LRRK1: variants seen among roughly 807,000 people sequenced by gnomAD.
LRRK1 encodes the protein leucine rich repeat kinase 1.
Under a neutral mutation model 209.1 loss-of-function variants are expected in LRRK1, and 113 were observed. That is an observed-to-expected ratio of 0.54 (90% CI 0.46 to 0.63). LRRK1 has a LOEUF of 0.63. Ranked by LOEUF, LRRK1 falls within the 30% of genes least tolerant of loss-of-function variation. The pLI is 0.00. For missense variants in LRRK1, 2,284 were observed against 2,632.2 expected, an observed-to-expected ratio of 0.87 and a Z score of 2.89; for synonymous variants, 1,144 against 1,099.7, an observed-to-expected ratio of 1.04 and a Z score of -0.80.
intron 22 of LRRK1, among the ~76,000 whole-genome samples, chr15:101,048,978 G>A (rs1339536612): frequency 2.0e-5 from 3 of 152,170 alleles, no homozygotes; most frequent in Non-Finnish European, 1.5e-5. Context: ...AGGTCACCAT[G>A]GTGACCTTGC....
Position 100,973,981 on chromosome 15 carries a change from T to C in LRRK1, c.261+14T>C. ...CAGCTGGAAAAGGTAGGGGAGCGCC[T>C]GCCCCTGCGGCCACCCATGCAGCCC... On this transcript the variant is annotated intron_variant, in intron 3 of 33. Transcript: ENST00000388948. 1 of 1,245,716 alleles carries C rather than the reference T, an allele frequency of 8.0e-7. No individual in the cohort carries two copies. Among genetic ancestry groups the C allele is most frequent in the Non-Finnish European group, 1.0e-6 (1 of 989,392 alleles). The allele number at this position is 1,245,716 out of a possible 1,614,324, so 77.2% of individuals were successfully genotyped here. A position where few individuals can be genotyped will look rare whatever the true frequency, so the allele number is the denominator to read the frequency against.
chr15:101,053,449 C>G, intron 26 of LRRK1, 29 bp downstream of exon 26: 1 of 1,539,162 alleles, frequency 6.5e-7, no homozygotes, highest in Non-Finnish European at 8.7e-7. Flanking sequence ...CCACCCGGCC[C>G]CGGAGACCGA....
chr15:100,995,143 G>A (rs972344420), intron 6 of LRRK1, among the ~76,000 whole-genome samples: 1 of 152,172 alleles, frequency 6.6e-6, no homozygotes, highest in African/African-American at 2.4e-5. Flanking sequence ...CACGGGCCAC[G>A]CGATGATGTC....
Position 100,962,804 on chromosome 15 carries a change from T to TACATATACATATATATACAC in LRRK1, c.98-10999_98-10998insCATATACATATATATACACA, listed in dbSNP as rs1252133441. Among the ~76,000 whole-genome samples the TACATATACATATATATACAC allele has an allele frequency of 1.8e-3, 68 of 37,160 alleles. 7 individuals are homozygous for TACATATACATATATATACAC. The highest frequency in any genetic ancestry group is 6.6e-3 in the African/African-American group (67 of 10,208). 24.4% of individuals were successfully genotyped at this position (37,160 alleles called of 152,430 possible). On this transcript the variant is annotated intron_variant, in intron 2 of 33. Transcript: ENST00000388948. ...AATTATTTCATTTTGCATATATATA[T>TACATATACATATATATACAC]ATATATATATATATATATATTTTTT...
At position 101,048,040 on chromosome 15, in the gene LRRK1, A is replaced by G. The variant is rs2035184081; in HGVS notation, c.3136-454A>G. Reference sequence around the variant, plus strand: ...CATAGGAAAGGTGGGGTTTTTTAACATATACGAAATTAGAAATCCAATATG... The same window carrying G: ...CATAGGAAAGGTGGGGTTTTTTAACGTATACGAAATTAGAAATCCAATATG... On this transcript the variant is annotated intron_variant, in intron 21 of 33. Transcript: ENST00000388948. Among the ~76,000 whole-genome samples the G allele has an allele frequency of 1.3e-5, 2 of 152,216 alleles. 1 individual carries two copies. The highest frequency in any genetic ancestry group is 4.1e-4 in the South Asian group (2 of 4,820).
At chr15:101,008,346 C>A (rs1408393540) in intron 6 of LRRK1, among the ~76,000 whole-genome samples, 3 of 152,104 alleles carry the variant, frequency 2.0e-5, no homozygotes, top group African/African-American at 4.8e-5. Flanking sequence ...GCCTGTCCAC[C>A]AAGCACCCTG....
chr15:101,057,202 A>T (rs1313945292), intron 28 of LRRK1, 152 bp downstream of exon 28: 2 of 633,626 alleles, frequency 3.2e-6, no homozygotes, highest in Non-Finnish European at 2.6e-6. Context: ...GCTGCTCCTA[A>T]CATACCTACT....
chr15:100,935,924 G>A (rs779475537), intron 2 of LRRK1, among the ~76,000 whole-genome samples: 1 of 152,170 alleles, frequency 6.6e-6, no homozygotes, highest in African/African-American at 2.4e-5. Context: ...CTTCTTTACA[G>A]CCTACTGCCG....
In LRRK1 at chr15:101,072,177, T is replaced by C. The variant is rs1186849964; in HGVS notation, c.*3329T>C. ...TACCCCTTGGAGGGCATTCTGGACT[T>C]ATCTACCAAAATTTCAAATGCACAT... On this transcript the variant is annotated 3_prime_UTR_variant, in exon 34 of 34. Transcript: ENST00000388948. 2 of 152,198 alleles carry C rather than the reference T, an allele frequency of 1.3e-5. No individual in the cohort carries two copies. The highest frequency in any genetic ancestry group is 6.5e-5 in the Admixed American group (1 of 15,284). The allele number at this position is 152,198 out of a possible 1,614,324, so 9.4% of individuals were successfully genotyped here.
In LRRK1 at chr15:101,015,234, C is replaced by G. The variant is rs548723997; in HGVS notation, c.1533-92C>G. On this transcript the variant is annotated intron_variant, in intron 11 of 33. Coordinates refer to ENST00000388948, the MANE Select transcript of LRRK1 (RefSeq NM_024652.6). Reference sequence around the variant, plus strand: ...TGAAGAGTTGCACATGAATTGCTCCCTATCTCCGTGGCTTGGCATTATAAC... The same window carrying G: ...TGAAGAGTTGCACATGAATTGCTCCGTATCTCCGTGGCTTGGCATTATAAC... 2.0e-5 allele frequency: 20 copies of G among 987,552 alleles called. No individual in the cohort carries two copies. In the Admixed American group the frequency reaches 3.8e-4, roughly 19 times the overall value. 61.2% of individuals were successfully genotyped at this position (987,552 alleles called of 1,614,324 possible). A position where few individuals can be genotyped will look rare whatever the true frequency, so the allele number is the denominator to read the frequency against.
At chr15:100,930,287 C>T (rs893016507) in intron 2 of LRRK1, among the ~76,000 whole-genome samples, 1 of 152,212 alleles carries the variant, frequency 6.6e-6, no homozygotes, top group Non-Finnish European at 1.5e-5. Flanking sequence ...ACGGACAGGC[C>T]GCCGGCAACT....
At chr15:100,969,155 G>A (rs1390377811) in intron 2 of LRRK1, among the ~76,000 whole-genome samples, 1 of 152,078 alleles carries the variant, frequency 6.6e-6, no homozygotes, top group African/African-American at 2.4e-5. Flanking sequence ...ATTTTCAATT[G>A]GATTGTTTGT....
chr15:101,041,134 T>G (rs1267141913), intron 20 of LRRK1, among the ~76,000 whole-genome samples: 3 of 152,234 alleles, frequency 2.0e-5, no homozygotes, highest in South Asian at 2.1e-4. Context: ...CTTTTTTCAT[T>G]ATACAATGTT....
chr15:100,964,548 G>A (rs1260971602), intron 2 of LRRK1, among the ~76,000 whole-genome samples: 1 of 152,234 alleles, frequency 6.6e-6, no homozygotes, highest in Non-Finnish European at 1.5e-5. Context: ...GACCAGGTCA[G>A]TAGCATCCTG....
intron 6 of LRRK1, among the ~76,000 whole-genome samples, chr15:100,998,135 G>C (rs892321416): frequency 6.6e-6 from 1 of 150,668 alleles, no homozygotes; most frequent in African/African-American, 2.4e-5. Flanking sequence ...AGCCGAGATA[G>C]TGCCATTGCA....
chr15:101,069,607 T>C lies in LRRK1; in HGVS notation c.*759T>C, dbSNP rs2036710936. 6.5e-6 allele frequency: 1 copy of C among 152,680 alleles called. No individual in the cohort carries two copies. Among genetic ancestry groups the C allele is most frequent in the Non-Finnish European group, 1.5e-5 (1 of 68,038 alleles). The allele number at this position is 152,680 out of a possible 1,614,324, so 9.5% of individuals were successfully genotyped here. On this transcript the variant is annotated 3_prime_UTR_variant, in exon 34 of 34. Transcript: ENST00000388948. ...CAGCAGGACTTCAGAAAGGGCCTTG[T>C]GTTTATAGCTTTGTCAAGTAAATTT...
intron 3 of LRRK1, among the ~76,000 whole-genome samples, chr15:100,974,537 G>A (rs1327557981): frequency 6.6e-6 from 1 of 152,170 alleles, no homozygotes; most frequent in Non-Finnish European, 1.5e-5. Flanking sequence ...TTTTCCAGAT[G>A]ATTAAAAATT....
chr15:101,021,538 A>G (rs2033785236), intron 13 of LRRK1, among the ~76,000 whole-genome samples: 1 of 152,116 alleles, frequency 6.6e-6, no homozygotes. Context: ...TATTAAAGGG[A>G]CATCGCCTTC....
chr15:100,982,525 C>T (rs1019129887), intron 3 of LRRK1, among the ~76,000 whole-genome samples: 1 of 152,192 alleles, frequency 6.6e-6, no homozygotes, highest in Admixed American at 6.5e-5. Flanking sequence ...CTCCTGGGAC[C>T]TTTACATACC....
Sources: allele counts gnomAD v4.1 joint callset (sites outside exome capture counted in the v4.1 genomes callset), GRCh38; gene constraint gnomAD v4.1.1; transcripts MANE v1.5; gene names NCBI Gene and HGNC (gene_info 2026-07-23, HGNC 2026-07-21).